The following ADGRG3 variants were observed in gnomAD, a reference collection of about 807,000 sequenced individuals.
ADGRG3 encodes G protein-coupled receptor 97.
ADGRG3 carries 39 observed loss-of-function variants against 54.3 expected under a neutral mutation model. That is an observed-to-expected ratio of 0.72 (90% CI 0.56 to 0.94). The LOEUF (loss-of-function observed/expected upper bound fraction) is 0.94. Among genes scored for constraint, ADGRG3 ranks in the 40% least tolerant of loss-of-function variants. The pLI is 0.00. For synonymous variants in ADGRG3, 312 were observed against 290.0 expected (o/e 1.08, Z -0.77); for missense variants, 654 against 694.6 (o/e 0.94, Z 0.66).
intron 11 of ADGRG3, 31 bp downstream of exon 11, chr16:57,685,957 C>T (rs1398776432): frequency 1.2e-6 from 2 of 1,604,788 alleles, no homozygotes; most frequent in Admixed American, 1.7e-5. Context: ...AGGTGATGGG[C>T]TGTGTTGTCT....
chr16:57,669,257 G>T (rs1215087719), intron 1 of ADGRG3, among the ~76,000 whole-genome samples: 1 of 152,242 alleles, frequency 6.6e-6, no homozygotes, highest in Non-Finnish European at 1.5e-5. Flanking sequence ...GTGTGGTCGC[G>T]TGACTTTGGC....
intron 11 of ADGRG3, among the ~76,000 whole-genome samples, chr16:57,687,906 A>G (rs1480830121): frequency 1.3e-5 from 2 of 152,168 alleles, no homozygotes; most frequent in Non-Finnish European, 2.9e-5. Context: ...AACTCTTCTC[A>G]ATATTTGTCT....
intron 3 of ADGRG3, among the ~76,000 whole-genome samples, chr16:57,677,137 C>T (rs744457): frequency 0.025 from 3,759 of 152,274 alleles, 133 homozygotes; most frequent in African/African-American, 0.084. Flanking sequence ...CATGTCCTTT[C>T]GTTGGGAGTC....
rs762607954 is a variant in ADGRG3 at position 57,683,985 on chromosome 16, T to C, written c.935T>C (p.Leu312Pro). The C allele has an allele frequency of 2.5e-6, 4 of 1,601,922 alleles. No individual in the cohort carries two copies. In the African/African-American group the frequency reaches 4.0e-5, roughly 16 times the overall value. The change falls in exon 9 of 12, where the codon CTG becomes CCG. Residue 312 changes from leucine (L) to proline (P), a missense_variant. Transcript: ENST00000333493. ...GATGCCCCAAAGATCCACGTGGCCC[T>C]GGGTGGCAGCCTGTTCCTCCTGAAT... ...SEDAPKIHVA[L>P]GGSLFLLNLA...
intron 9 of ADGRG3, 72 bp downstream of exon 9, chr16:57,684,284 G>A: frequency 6.3e-7 from 1 of 1,576,638 alleles, no homozygotes; most frequent in Non-Finnish European, 8.7e-7. Context: ...CTTGGGGAGA[G>A]AGAGGAGGGG....
chr16:57,665,734 A>G (rs957145932), upstream of ADGRG3, among the ~76,000 whole-genome samples: 9 of 152,092 alleles, frequency 5.9e-5, no homozygotes, highest in Non-Finnish European at 1.3e-4. Context: ...AGTCCTCCCC[A>G]AGGCCCACAG....
In ADGRG3 at chr16:57,680,301, C is replaced by A. The variant is rs373345629; in HGVS notation, c.704C>A (p.Thr235Lys). Residue 235 changes from threonine to lysine, a missense_variant, in exon 7 of 12, where the codon ACG (threonine) becomes AAG (lysine). Transcript: ENST00000333493. Reference sequence around the variant, plus strand: ...GACTGGTCTTCTGAGGGCTGCTCCACGGAGGTCAGACCTGAGGGGACCGTG... The same window carrying A: ...GACTGGTCTTCTGAGGGCTGCTCCAAGGAGGTCAGACCTGAGGGGACCGTG... ...TGDWSSEGCS[T>K]EVRPEGTVCC... 73 of 1,611,870 alleles carry A rather than the reference C, an allele frequency of 4.5e-5. No individual in the cohort carries two copies. The highest frequency in any genetic ancestry group is 6.1e-5 in the Non-Finnish European group (72 of 1,179,314).
rs781494386 is a variant in ADGRG3 at position 57,673,364 on chromosome 16, G to T, written c.102G>T (p.Gly34=). ...AAGGGCCAAGAAACACCTGCCTGGG[G>T]AGCAACAACATGTACGACATCTTCA... The part of the protein sequence containing the change: ...PTEGPRNTCL[G]SNNMYDIFNL... Residue 34 remains glycine, a synonymous_variant, in exon 2 of 12, where the codon GGG becomes GGT. Transcript: ENST00000333493. 1 of 1,613,788 alleles carries T rather than the reference G, an allele frequency of 6.2e-7. No homozygotes were observed. Among genetic ancestry groups the T allele is most frequent in the African/African-American group, 1.3e-5 (1 of 74,918 alleles).
In ADGRG3 at chr16:57,673,307, C is replaced by A. The variant is rs777320498; in HGVS notation, c.59-14C>A. ...TCGTCCAGCCCATTCACACTCTCTG[C>A]ATTCCTTCCTTAGGTCAGGAAAAGC... is the stretch of plus-strand genomic sequence containing the variant. On this transcript the variant is annotated splice_polypyrimidine_tract_variant and intron_variant, in intron 1 of 11. Coordinates refer to ENST00000333493, the MANE Select transcript of ADGRG3 (RefSeq NM_170776.5). 1.2e-6 allele frequency: 2 copies of A among 1,607,890 alleles called. No homozygotes were observed. The highest frequency in any genetic ancestry group is 1.7e-6 in the Non-Finnish European group (2 of 1,174,758).
At chr16:57,678,026 C>G (rs2048294077) in intron 3 of ADGRG3, 144 bp from the exon 4 acceptor site, 1 of 926,284 alleles carries the variant, frequency 1.1e-6, no homozygotes, top group Non-Finnish European at 1.7e-6. Flanking sequence ...TGCACTGTGC[C>G]CCAGGTGTCC....
intron 1 of ADGRG3, among the ~76,000 whole-genome samples, chr16:57,671,980 AAAAC>A (rs1490462055): frequency 6.1e-4 from 92 of 151,170 alleles, no homozygotes; most frequent in African/African-American, 1.7e-3. Context: ...GCAACACAGC[AAAAC>A]CCTGTCTCTA....
rs779936464 is a variant in ADGRG3, at chr16:57,668,327, C to A, written c.-21C>A. ...GGCCAGACAGCCACAGAGCTCCTGG[C>A]GTGGGCAAGGCTGGCCAAGGATGGC... On this transcript the variant is annotated 5_prime_UTR_variant, in exon 1 of 12. Transcript: ENST00000333493. 6.4e-7 allele frequency: 1 copy of A among 1,556,842 alleles called. No homozygotes were observed. Among genetic ancestry groups the A allele is most frequent in the Non-Finnish European group, 8.7e-7 (1 of 1,155,042 alleles).
At chr16:57,682,362 C>A in intron 8 of ADGRG3, 1 of 430,960 alleles carries the variant, frequency 2.3e-6, no homozygotes, top group Non-Finnish European at 3.1e-6. Context: ...GCCGTCCCTC[C>A]GCCCTCTCCA....
intron 2 of ADGRG3, chr16:57,674,636 T>G (rs1457520245): frequency 2.2e-6 from 1 of 449,514 alleles, no homozygotes; most frequent in South Asian, 1.6e-5. Flanking sequence ...GAGGCTCCTC[T>G]TTGTGCTGCC....
At chr16:57,687,193 G>C (rs2048488313) in intron 11 of ADGRG3, among the ~76,000 whole-genome samples, 1 of 151,936 alleles carries the variant, frequency 6.6e-6, no homozygotes, top group African/African-American at 2.4e-5. Flanking sequence ...AAGTCACTCA[G>C]CTCCTTCCGT....
chr16:57,676,233 G>A lies in ADGRG3; in HGVS notation c.240G>A (p.Lys80=). Residue 80 remains lysine, a synonymous_variant, in exon 3 of 12, where the codon AAG becomes AAA. Transcript: ENST00000333493. ...YWLNYEAHLM[K]EGLTQKVNTP... is the part of the protein sequence containing the mutation. ...TAAACTACGAGGCCCATCTGATGAA[G>A]GAAGGTTTGACGCAGAAGGTGAACA... The A allele has an allele frequency of 1.2e-6, 2 of 1,614,098 alleles. No homozygotes were observed. Among genetic ancestry groups the A allele is most frequent in the Non-Finnish European group, 1.7e-6 (2 of 1,179,980 alleles).
Position 57,684,198 on chromosome 16 carries a change from G to A in ADGRG3, c.1148G>A (p.Ser383Asn). 1 of 1,613,028 alleles carries A rather than the reference G, an allele frequency of 6.2e-7. No homozygotes were observed. The highest frequency in any genetic ancestry group is 8.5e-7 in the Non-Finnish European group (1 of 1,179,254). ...TTCGGGCACTACTTCCTGAAGCTGAGCCTGGTGGGCTGGGGTAGGTGCTGC... is the reference window on the plus strand; with the variant it reads ...TTCGGGCACTACTTCCTGAAGCTGAACCTGGTGGGCTGGGGTAGGTGCTGC... ...TYFGHYFLKLSLVGWGLPALM... is the reference protein window; with the variant it reads ...TYFGHYFLKLNLVGWGLPALM... Residue 383 changes from serine to asparagine, a missense_variant, in exon 9 of 12, where the codon AGC becomes AAC. Transcript: ENST00000333493.
At chr16:57,671,427 G>A (rs143420675) in intron 1 of ADGRG3, among the ~76,000 whole-genome samples, 1,426 of 132,256 alleles carry the variant, frequency 0.011, 21 homozygotes, top group African/African-American at 0.038. Context: ...TGCAACCTCC[G>A]CCTCCCGGGT....
chr16:57,679,091 T>C (rs2048316191), intron 4 of ADGRG3, 86 bp from the exon 5 acceptor site: 2 of 1,522,654 alleles, frequency 1.3e-6, no homozygotes, highest in Non-Finnish European at 1.8e-6. Context: ...AGGCCATGGG[T>C]TCCTGGAGGC....
Sources: gnomAD v4.1 joint callset for allele counts (sites outside exome capture counted in the v4.1 genomes callset) on GRCh38, gnomAD v4.1.1 for gene constraint, MANE v1.5 for transcripts, NCBI Gene and HGNC (gene_info 2026-07-23, HGNC 2026-07-21) for gene names.